Variants in TNIK observed in about 807,000 individuals in gnomAD.
The protein encoded by TNIK is TRAF2 and NCK interacting kinase.
Under a neutral mutation model 191.3 loss-of-function variants are expected in TNIK, and 49 were observed. That is an observed-to-expected ratio of 0.26 (90% CI 0.20 to 0.32). The LOEUF (loss-of-function observed/expected upper bound fraction) is 0.32, where lower values mean the gene tolerates loss of function less well. TNIK is among the 10% of genes least tolerant of loss of function. The pLI is 1.00. For missense variants in TNIK, 1,155 were observed against 1,702.3 expected (o/e 0.68, Z 5.66); for synonymous variants, 594 against 600.9 (o/e 0.99, Z 0.17).
At chr3:171,262,453 C>T (rs143732742) in intron 2 of TNIK, among the ~76,000 whole-genome samples, 20 of 152,286 alleles carry the variant, frequency 1.3e-4, no homozygotes, top group Non-Finnish European at 2.9e-4. Flanking sequence ...AAAAATTCTA[C>T]ACAGCTCCTT....
chr3:171,369,729 C>A, intron 1 of TNIK, 44 bp from the exon 2 acceptor site: 1 of 1,471,004 alleles, frequency 6.8e-7, no homozygotes, highest in Non-Finnish European at 9.3e-7. Context: ...AACAATATTC[C>A]AGGCATTGCC....
chr3:171,164,903 G>C (rs1734423238), intron 10 of TNIK, among the ~76,000 whole-genome samples: 1 of 152,204 alleles, frequency 6.6e-6, no homozygotes, highest in Non-Finnish European at 1.5e-5. Context: ...ATTAACTGCA[G>C]ATGAGCCACC....
chr3:171,209,064 G>GGTATGTGTGT (rs1553856584), intron 4 of TNIK, among the ~76,000 whole-genome samples: 3 of 142,016 alleles, frequency 2.1e-5, no homozygotes, highest in Non-Finnish European at 3.0e-5. Flanking sequence ...CTTTGGAAGG[G>GGTATGTGTGT]GTGTGTGTGT....
At chr3:171,336,887 ATT>A (rs1191481343) in intron 2 of TNIK, among the ~76,000 whole-genome samples, 1 of 151,972 alleles carries the variant, frequency 6.6e-6, no homozygotes, top group East Asian at 1.9e-4. Context: ...CTTTTTGTTC[ATT>A]TTAACAGCAC....
At chr3:171,248,236 T>C (rs1745832069) in intron 2 of TNIK, among the ~76,000 whole-genome samples, 1 of 152,038 alleles carries the variant, frequency 6.6e-6, no homozygotes, top group Admixed American at 6.5e-5. Context: ...TGGAGAACAA[T>C]GAAGGCAGGG....
chr3:171,299,436 G>C (rs182025525), intron 2 of TNIK, among the ~76,000 whole-genome samples: 229 of 152,238 alleles, frequency 1.5e-3, no homozygotes, highest in African/African-American at 5.3e-3. Context: ...CTTGCCAGAC[G>C]GATCTATGGA....
In TNIK at chr3:171,061,406, T is replaced by C. The variant is rs1183661823; in HGVS notation, c.*2475A>G. The C allele has an allele frequency of 6.6e-6, 1 of 152,234 alleles. No individual in the cohort carries two copies. Among genetic ancestry groups the C allele is most frequent in the Non-Finnish European group, 1.5e-5 (1 of 68,040 alleles). The allele number at this position is 152,234 out of a possible 1,614,324, so 9.4% of individuals were successfully genotyped here. On this transcript the variant is annotated 3_prime_UTR_variant, in exon 33 of 33. Transcript: ENST00000436636. The stretch of plus-strand genomic sequence containing the variant: ...GCTCATGTTCTATGTTATGTCACTG[T>C]ACATACTGTAAACAAGACTGCATTA...
chr3:171,109,082 C>T (rs769887113), intron 19 of TNIK, among the ~76,000 whole-genome samples: 3 of 152,076 alleles, frequency 2.0e-5, no homozygotes, highest in Admixed American at 1.3e-4. Context: ...AAATGGTATG[C>T]GTTTAAGTTT....
At position 171,167,123 on chromosome 3, in the gene TNIK, A is replaced by G. The variant is rs893591805; in HGVS notation, c.921T>C (p.Asp307=). The G allele has an allele frequency of 1.2e-5, 19 of 1,613,036 alleles. No homozygotes were observed. The highest frequency in any genetic ancestry group is 1.5e-5 in the Non-Finnish European group (18 of 1,179,594). ...TTTCTCCTCGCTTCTTCTTTGTTCT[A>G]TCAATATGGTCCTTGAGTTGAATGC... ...QVRIQLKDHI[D]RTKKKRGEKD... Residue 307 remains aspartate, a synonymous_variant, in exon 10 of 33, where the codon GAT becomes GAC. Coordinates refer to ENST00000436636, the MANE Select transcript of TNIK (RefSeq NM_015028.4).
chr3:171,344,696 T>A (rs1711874703), intron 2 of TNIK, among the ~76,000 whole-genome samples: 1 of 152,130 alleles, frequency 6.6e-6, no homozygotes, highest in African/African-American at 2.4e-5. Flanking sequence ...GTACTTTTCT[T>A]AAATTACCTC....
At chr3:171,451,799 C>T (rs1728206622) in intron 1 of TNIK, among the ~76,000 whole-genome samples, 1 of 152,162 alleles carries the variant, frequency 6.6e-6, no homozygotes, top group Non-Finnish European at 1.5e-5. Flanking sequence ...ACCCAATAAT[C>T]AGGTACTGAA....
At chr3:171,239,976 A>C (rs1376665431) in intron 2 of TNIK, among the ~76,000 whole-genome samples, 1 of 152,310 alleles carries the variant, frequency 6.6e-6, no homozygotes, top group East Asian at 1.9e-4. Flanking sequence ...GGCTGTTTTA[A>C]GTAAATATGA....
intron 10 of TNIK, among the ~76,000 whole-genome samples, chr3:171,163,293 T>G (rs532792759): frequency 2.0e-5 from 3 of 152,222 alleles, no homozygotes; most frequent in South Asian, 4.1e-4. Flanking sequence ...ACATTACTCC[T>G]ATCTCTTCAT....
intron 2 of TNIK, among the ~76,000 whole-genome samples, chr3:171,251,314 C>T (rs1019491571): frequency 2.0e-5 from 3 of 152,128 alleles, no homozygotes; most frequent in East Asian, 3.8e-4. Flanking sequence ...GTCAAGAGTC[C>T]TCTGGTGTGT....
chr3:171,303,986 C>A (rs1283672027), intron 2 of TNIK, among the ~76,000 whole-genome samples: 3 of 149,346 alleles, frequency 2.0e-5, no homozygotes, highest in African/African-American at 7.4e-5. Context: ...AACATGGATT[C>A]ACTTCCACTG....
chr3:171,076,149 GTTA>G (rs1473205424), intron 28 of TNIK, among the ~76,000 whole-genome samples: 1 of 151,574 alleles, frequency 6.6e-6, no homozygotes, highest in Non-Finnish European at 1.5e-5. Context: ...TGAGTGACAT[GTTA>G]TTAAGTGAGG....
At chr3:171,313,733 C>T (rs574485819) in intron 2 of TNIK, among the ~76,000 whole-genome samples, 2 of 152,202 alleles carry the variant, frequency 1.3e-5, no homozygotes, top group South Asian at 4.2e-4. Flanking sequence ...TCTGTCACCA[C>T]GAGAGCTGCA....
At chr3:171,198,717 T>A (rs1577096935) in intron 4 of TNIK, among the ~76,000 whole-genome samples, 1 of 152,214 alleles carries the variant, frequency 6.6e-6, no homozygotes, top group Admixed American at 6.5e-5. Context: ...TATTTTTGTG[T>A]ATTTTTAGGA....
intron 21 of TNIK, among the ~76,000 whole-genome samples, chr3:171,103,718 G>T (rs1342414679): frequency 6.6e-6 from 1 of 151,858 alleles, no homozygotes; most frequent in Non-Finnish European, 1.5e-5. Flanking sequence ...AGAGAATATG[G>T]TTTAAAAGAG....
Sources: gnomAD v4.1 joint callset for allele counts (sites outside exome capture counted in the v4.1 genomes callset) on GRCh38, gnomAD v4.1.1 for gene constraint, MANE v1.5 for transcripts, NCBI Gene and HGNC (gene_info 2026-07-23, HGNC 2026-07-21) for gene names.